The following UGT1A7 variants were observed in gnomAD, a reference collection of about 807,000 sequenced individuals.
UGT1A7 encodes UDP-glucuronosyltransferase 1A7.
UGT1A7 carries 33 observed loss-of-function variants against 45.6 expected under a neutral mutation model. That is an observed-to-expected ratio of 0.72 (90% CI 0.55 to 0.97). The LOEUF (loss-of-function observed/expected upper bound fraction) is 0.97. Ranked by LOEUF, UGT1A7 falls within the 50% of genes least tolerant of loss-of-function variation. The pLI is 0.00. For synonymous variants in UGT1A7, 274 were observed against 250.6 expected (o/e 1.09, Z -0.88); for missense variants, 684 against 666.2 (o/e 1.03, Z -0.29).
At chr2:233,689,838 T>C (rs1230094386) in intron 1 of UGT1A7, 1 of 453,770 alleles carries the variant, frequency 2.2e-6, no homozygotes, top group Non-Finnish European at 4.4e-6. Context: ...CTAACTTTCT[T>C]GGATATTGTT....
chr2:233,740,379 T>C (rs1691378292), intron 1 of UGT1A7, among the ~76,000 whole-genome samples: 1 of 151,912 alleles, frequency 6.6e-6, no homozygotes, highest in Admixed American at 6.5e-5. Flanking sequence ...AGGTAAGTTG[T>C]TGTGTGAATT....
At chr2:233,751,110 CCA>C (rs1235610368) in intron 1 of UGT1A7, among the ~76,000 whole-genome samples, 2 of 151,964 alleles carry the variant, frequency 1.3e-5, no homozygotes, top group African/African-American at 4.9e-5. Flanking sequence ...GCCCTGCAAG[CCA>C]CAGTGTCCAA....
chr2:233,751,453 T>C (rs1694732697), intron 1 of UGT1A7, among the ~76,000 whole-genome samples: 2 of 152,190 alleles, frequency 1.3e-5, no homozygotes, highest in African/African-American at 4.8e-5. Flanking sequence ...GGAAGATTGT[T>C]GGGAAGGCAC....
chr2:233,771,791 C>T (rs868802241), intron 4 of UGT1A7, among the ~76,000 whole-genome samples: 2 of 146,520 alleles, frequency 1.4e-5, no homozygotes, highest in Middle Eastern at 6.9e-3. Flanking sequence ...TCTCTCCCTC[C>T]CTCCCTCCCT....
At chr2:233,755,084 G>C in intron 1 of UGT1A7, 2 of 1,335,302 alleles carry the variant, frequency 1.5e-6, no homozygotes, top group Non-Finnish European at 2.0e-6. Flanking sequence ...CATAGATATC[G>C]CGTTTCTACG....
chr2:233,756,853 G>A (rs1211591788), intron 1 of UGT1A7, among the ~76,000 whole-genome samples: 2 of 151,934 alleles, frequency 1.3e-5, no homozygotes, highest in Non-Finnish European at 2.9e-5. Flanking sequence ...ACATTCTAAC[G>A]GTTCATAAAG....
intron 1 of UGT1A7, among the ~76,000 whole-genome samples, chr2:233,701,708 C>T (rs530092195): frequency 1.2e-4 from 19 of 152,298 alleles, no homozygotes; most frequent in African/African-American, 3.8e-4. Context: ...AACCGCTCAA[C>T]TACATGGAAA....
In UGT1A7 at chr2:233,703,925, C is replaced by G. The variant is rs576814000; in HGVS notation, c.855+21133C>G. Among the ~76,000 whole-genome samples, 290 of 151,880 alleles carry G rather than the reference C, an allele frequency of 1.9e-3. 2 individuals carry two copies. Among genetic ancestry groups the G allele is most frequent in the African/African-American group, 6.7e-3 (277 of 41,416 alleles). ...TTTTTTTTTGAGACAAAATCTCATT[C>G]TGTTACCCAGACTGGAGTGCAGTGG... On this transcript the variant is annotated intron_variant, in intron 1 of 4. Coordinates refer to ENST00000373426, the MANE Select transcript of UGT1A7 (RefSeq NM_019077.3).
At chr2:233,729,381 C>T (rs141683822) in intron 1 of UGT1A7, 80 of 1,613,822 alleles carry the variant, frequency 5.0e-5, no homozygotes, top group Non-Finnish European at 6.7e-5. Flanking sequence ...TTTCGTGGAC[C>T]CAGGATGAAT....
intron 1 of UGT1A7, among the ~76,000 whole-genome samples, chr2:233,763,591 A>G (rs1698352933): frequency 6.6e-6 from 1 of 152,190 alleles, no homozygotes; most frequent in Non-Finnish European, 1.5e-5. Flanking sequence ...TCCTTTGTTA[A>G]CTAAAAATGC....
chr2:233,722,310 C>T (rs1175597546), intron 1 of UGT1A7, among the ~76,000 whole-genome samples: 2 of 152,156 alleles, frequency 1.3e-5, no homozygotes, highest in Non-Finnish European at 2.9e-5. Context: ...CCCTTACTTA[C>T]TTGGTTTGGT....
In UGT1A7 at chr2:233,768,589, T is replaced by TC. The variant is rs1441142658; in HGVS notation, c.1295+150_1295+151insC. The TC allele has an allele frequency of 2.3e-4, 239 of 1,048,606 alleles. No individual in the cohort carries two copies. In the East Asian group the frequency reaches 3.3e-3, roughly 15 times the overall value. 65.0% of individuals were successfully genotyped at this position (1,048,606 alleles called of 1,614,324 possible). A position where few individuals can be genotyped will look rare whatever the true frequency, so the allele number is the denominator to read the frequency against. ...TCTGGATTTTTATTTCTTCTTTTTT[T>TC]TTTTTTTTTTTTTTTGAGATGGAGT... On this transcript the variant is annotated intron_variant, in intron 4 of 4. Transcript: ENST00000373426.
At chr2:233,750,454 C>A (rs1301530948) in intron 1 of UGT1A7, among the ~76,000 whole-genome samples, 2 of 151,940 alleles carry the variant, frequency 1.3e-5, no homozygotes, top group Non-Finnish European at 2.9e-5. Flanking sequence ...TTCAAACCAG[C>A]TACAGAAATA....
intron 1 of UGT1A7, among the ~76,000 whole-genome samples, chr2:233,733,838 T>C (rs1373301962): frequency 1.3e-5 from 2 of 152,026 alleles, no homozygotes; most frequent in Non-Finnish European, 2.9e-5. Context: ...TTAGGGAGGA[T>C]TCCCTCTTTT....
intron 1 of UGT1A7, among the ~76,000 whole-genome samples, chr2:233,726,193 G>A (rs2077515288): frequency 6.6e-6 from 1 of 152,108 alleles, no homozygotes; most frequent in Admixed American, 6.5e-5. Flanking sequence ...TTTGGCATAT[G>A]GAAATCTTGT....
intron 1 of UGT1A7, among the ~76,000 whole-genome samples, chr2:233,688,251 C>T (rs2074884439): frequency 6.6e-6 from 1 of 152,210 alleles, no homozygotes; most frequent in African/African-American, 2.4e-5. Flanking sequence ...TATTTCATTC[C>T]TTTACATGGC....
At chr2:233,690,783 AC>A (rs1354086409) in intron 1 of UGT1A7, 123 of 1,085,474 alleles carry the variant, frequency 1.1e-4, no homozygotes, top group Non-Finnish European at 1.4e-4. Flanking sequence ...ACATACACAC[AC>A]ACACACACAC....
At chr2:233,699,295 T>C (rs1289156028) in intron 1 of UGT1A7, among the ~76,000 whole-genome samples, 1 of 152,164 alleles carries the variant, frequency 6.6e-6, no homozygotes, top group Non-Finnish European at 1.5e-5. Context: ...GCTGGGACAC[T>C]CTTATGCTGT....
At chr2:233,702,416 C>T (rs186724566) in intron 1 of UGT1A7, among the ~76,000 whole-genome samples, 47 of 152,146 alleles carry the variant, frequency 3.1e-4, no homozygotes, top group African/African-American at 1.1e-3. Context: ...ATAGAGATAG[C>T]GTTACTTCTT....
Sources: gnomAD v4.1 joint callset for allele counts (sites outside exome capture counted in the v4.1 genomes callset) on GRCh38, gnomAD v4.1.1 for gene constraint, MANE v1.5 for transcripts, NCBI Gene and HGNC (gene_info 2026-07-23, HGNC 2026-07-21) for gene names.